The following ZNG1E variants were observed in gnomAD, a reference collection of about 807,000 sequenced individuals.
The protein encoded by ZNG1E is zinc-regulated GTPase metalloprotein activator 1E.
At chr9:65,686,592 C>T in the ZNG1E span, among the ~76,000 whole-genome samples, 1 of 152,130 alleles carries the variant, frequency 6.6e-6, no homozygotes. Context: ...GCTGAGATTG[C>T]ACATTGCACT....
the ZNG1E span, among the ~76,000 whole-genome samples, chr9:65,705,171 TAGTG>T: frequency 6.7e-6 from 1 of 149,564 alleles, no homozygotes; most frequent in East Asian, 2.0e-4. Context: ...ATGGAAGTAC[TAGTG>T]AACCACATAG....
At chr9:65,679,610 A>T in the ZNG1E span, 5 of 328,062 alleles carry the variant, frequency 1.5e-5, no homozygotes, top group Non-Finnish European at 2.3e-5. Context: ...GCTGGAGTGC[A>T]GTGGTGCAAT....
the ZNG1E span, among the ~76,000 whole-genome samples, chr9:65,721,611 C>T: frequency 1.3e-5 from 2 of 149,932 alleles, no homozygotes; most frequent in African/African-American, 5.0e-5. Context: ...TTAAAAAAAA[C>T]AAATGTATTT....
At chr9:65,660,151 C>CA in the ZNG1E span, among the ~76,000 whole-genome samples, 1 of 133,190 alleles carries the variant, frequency 7.5e-6, no homozygotes, top group African/African-American at 3.1e-5. Flanking sequence ...GTGCATGTAA[C>CA]ATAAAGGGCA....
chr9:65,717,279 AGC>A, the ZNG1E span, among the ~76,000 whole-genome samples: 1 of 149,890 alleles, frequency 6.7e-6, no homozygotes, highest in African/African-American at 2.5e-5. Flanking sequence ...AAGCGAATAC[AGC>A]CCTAAGCATA....
chr9:65,673,777 G>T, the ZNG1E span, among the ~76,000 whole-genome samples: 1 of 152,296 alleles, frequency 6.6e-6, no homozygotes, highest in Non-Finnish European at 1.5e-5. Flanking sequence ...TGCAATCCCT[G>T]CTGGGCGACA....
chr9:65,714,703 C>G, the ZNG1E span, among the ~76,000 whole-genome samples: 1 of 151,192 alleles, frequency 6.6e-6, no homozygotes, highest in Non-Finnish European at 1.5e-5. Context: ...CAGGGGGTGA[C>G]CTCCCAGGGG....
the ZNG1E span, among the ~76,000 whole-genome samples, chr9:65,680,232 A>T: frequency 1.3e-5 from 2 of 152,190 alleles, no homozygotes; most frequent in African/African-American, 4.8e-5. Context: ...TATTTTTTTC[A>T]GTTGTAAAAA....
the ZNG1E span, among the ~76,000 whole-genome samples, chr9:65,665,181 G>A: frequency 2.6e-5 from 4 of 152,400 alleles, no homozygotes; most frequent in East Asian, 7.7e-4. Flanking sequence ...CCAAGACAAT[G>A]GGGAAAGTGT....
At chr9:65,691,440 A>T in the ZNG1E span, among the ~76,000 whole-genome samples, 1 of 151,994 alleles carries the variant, frequency 6.6e-6, no homozygotes, top group South Asian at 2.1e-4. Context: ...TTCATGTTAT[A>T]ACTTTAATTC....
the ZNG1E span, among the ~76,000 whole-genome samples, chr9:65,714,188 C>T: frequency 6.7e-6 from 1 of 148,236 alleles, no homozygotes; most frequent in Non-Finnish European, 1.5e-5. Context: ...AGTTCTCGAG[C>T]CTTGGTTTTC....
chr9:65,667,009 C>A, the ZNG1E span, among the ~76,000 whole-genome samples: 1 of 152,112 alleles, frequency 6.6e-6, no homozygotes, highest in Non-Finnish European at 1.5e-5. Context: ...TTAGTAGGGA[C>A]ACGGTTTCAC....
At chr9:65,693,962 C>T in the ZNG1E span, among the ~76,000 whole-genome samples, 6 of 150,280 alleles carry the variant, frequency 4.0e-5, no homozygotes, top group Admixed American at 4.0e-4. Context: ...AATACCTCTT[C>T]ACTGGGCCTT....
At chr9:65,667,265 G>T in the ZNG1E span, among the ~76,000 whole-genome samples, 1 of 151,958 alleles carries the variant, frequency 6.6e-6, no homozygotes, top group African/African-American at 2.4e-5. Flanking sequence ...GTATACTGCT[G>T]CCAAAAACTC....
chr9:65,667,256 T>C, the ZNG1E span, among the ~76,000 whole-genome samples: 1 of 152,180 alleles, frequency 6.6e-6, no homozygotes, highest in Non-Finnish European at 1.5e-5. Flanking sequence ...CTGTGTATTG[T>C]ATACTGCTGC....
chr9:65,710,270 G>C, the ZNG1E span, among the ~76,000 whole-genome samples: 7 of 147,292 alleles, frequency 4.8e-5, no homozygotes, highest in Non-Finnish European at 1.0e-4. Context: ...TGTCAGATGA[G>C]TAGGTTGCAA....
chr9:65,709,935 T>G, the ZNG1E span, among the ~76,000 whole-genome samples: 3 of 151,676 alleles, frequency 2.0e-5, no homozygotes, highest in Non-Finnish European at 4.4e-5. Flanking sequence ...CCACACTGAC[T>G]TCCACAATGG....
chr9:65,664,522 A>G, the ZNG1E span, among the ~76,000 whole-genome samples: 1 of 68,130 alleles, frequency 1.5e-5, no homozygotes, highest in Non-Finnish European at 3.1e-5. Flanking sequence ...GCCATGTGGA[A>G]CTGTAAGTCC....
the ZNG1E span, among the ~76,000 whole-genome samples, chr9:65,665,284 G>T: frequency 6.6e-6 from 1 of 152,262 alleles, no homozygotes; most frequent in Non-Finnish European, 1.5e-5. Context: ...CTGGGCCCAG[G>T]GTCCCTCTGC....
Sources: allele counts gnomAD v4.1 joint callset (sites outside exome capture counted in the v4.1 genomes callset), GRCh38; gene constraint gnomAD v4.1.1; transcripts MANE v1.5; gene names NCBI Gene and HGNC (gene_info 2026-07-23, HGNC 2026-07-21).